TTC38: variants seen among roughly 807,000 people sequenced by gnomAD.
The protein encoded by TTC38 is tetratricopeptide repeat domain 38.
In TTC38, 64 loss-of-function variants were observed where a neutral mutation model predicts 64.2. That is an observed-to-expected ratio of 1.00 (90% CI 0.81 to 1.23). The LOEUF is 1.23. TTC38 is among the 50% of genes most tolerant of loss of function. The pLI is 0.00. For synonymous variants in TTC38, 254 were observed against 249.3 expected, an observed-to-expected ratio of 1.02 and a Z score of -0.18; for missense variants, 573 against 615.5, an observed-to-expected ratio of 0.93 and a Z score of 0.73.
Position 46,273,229 on chromosome 22 carries a change from CAGCTG to C in TTC38, c.194-668_194-664del, listed in dbSNP as rs2147786055. Among the ~76,000 whole-genome samples, 1 of 152,300 alleles carries C rather than the reference CAGCTG, an allele frequency of 6.6e-6. No homozygotes were observed. The highest frequency in any genetic ancestry group is 2.1e-4 in the South Asian group (1 of 4,830). ...AGGGGGCTTCGACCACCTGAATCAT[CAGCTG>C]GGCTGGGCTGGGCTCGACCATCGGA... is the stretch of plus-strand genomic sequence containing the variant. On this transcript the variant is annotated intron_variant, in intron 3 of 13. Coordinates refer to ENST00000381031, the MANE Select transcript of TTC38 (RefSeq NM_017931.4). This position sits in a 1 kb window ranked among gnomAD's most constrained non-coding sequence, Gnocchi z 5.1.
intron 8 of TTC38, 86 bp downstream of exon 8, chr22:46,284,118 C>T (rs1344686644): frequency 1.7e-6 from 2 of 1,146,362 alleles, no homozygotes; most frequent in Admixed American, 2.0e-5. Flanking sequence ...TATGTATTCA[C>T]ATCCGTTGGA....
Position 46,268,019 on chromosome 22 carries a change from T to C in TTC38, c.-21T>C, listed in dbSNP as rs764477282. On this transcript the variant is annotated 5_prime_UTR_variant, in exon 1 of 14. Coordinates refer to ENST00000381031, the MANE Select transcript of TTC38 (RefSeq NM_017931.4). The stretch of plus-strand genomic sequence containing the variant: ...AGGCCCGGGTGCCCAGAGCTCGCGG[T>C]GGACTCCGACCCGGCGCAACATGGC... 1.4e-5 allele frequency: 22 copies of C among 1,530,204 alleles called. No individual in the cohort carries two copies. The highest frequency in any genetic ancestry group is 1.7e-6 in the Non-Finnish European group (2 of 1,145,026). 94.8% of individuals were successfully genotyped at this position (1,530,204 alleles called of 1,614,324 possible). A position where few individuals can be genotyped will look rare whatever the true frequency, so the allele number is the denominator to read the frequency against.
In TTC38 at chr22:46,273,553, C is replaced by T. The variant is rs1028607613; in HGVS notation, c.194-345C>T. ...ATGAGCAGCATCCACTGATGCCTCC[C>T]GGGAGCCGTGTGCTGGCTGTGGCGG... is the stretch of plus-strand genomic sequence containing the variant. On this transcript the variant is annotated intron_variant, in intron 3 of 13. Transcript: ENST00000381031. This position sits in a 1 kb window ranked among gnomAD's most constrained non-coding sequence, Gnocchi z 5.1. Among the ~76,000 whole-genome samples, 4 of 152,342 alleles carry T rather than the reference C, an allele frequency of 2.6e-5. No homozygotes were observed. Among genetic ancestry groups the T allele is most frequent in the African/African-American group, 4.8e-5 (2 of 41,584 alleles).
rs1569022502 is a variant in TTC38 at position 46,282,994 on chromosome 22, T to C, written c.736-979T>C. On this transcript the variant is annotated intron_variant, in intron 7 of 13. Transcript: ENST00000381031. This position sits in a 1 kb window ranked among gnomAD's most constrained non-coding sequence, Gnocchi z 4.4. The stretch of plus-strand genomic sequence containing the variant: ...CCCAAGGTGGAGTGCAGTGGCACAA[T>C]CAGGGCTCACCGCAGCCTCGACCGC... Among the ~76,000 whole-genome samples, 2 of 152,138 alleles carry C rather than the reference T, an allele frequency of 1.3e-5. No individual in the cohort carries two copies. The highest frequency in any genetic ancestry group is 2.9e-5 in the Non-Finnish European group (2 of 68,018).
intron 12 of TTC38, 132 bp downstream of exon 12, chr22:46,289,693 C>T (rs558969576): frequency 6.4e-5 from 92 of 1,446,448 alleles, no homozygotes; most frequent in Admixed American, 3.5e-4. Flanking sequence ...ACACTCCCGC[C>T]GTGTAAGTTC....
Position 46,292,540 on chromosome 22 carries a change from C to T in TTC38, c.1317-251C>T, listed in dbSNP as rs1325549806. ...CGTACCTGGGTCTTCTCTCTTCAAA[C>T]CTGGGTTTTCCCCACTGCCACCTGT... is the stretch of plus-strand genomic sequence containing the variant. On this transcript the variant is annotated intron_variant, in intron 13 of 13. Transcript: ENST00000381031. The surrounding 1 kb of genome is among the most constrained non-coding windows in gnomAD (Gnocchi z 6.5). 6.6e-6 allele frequency among the ~76,000 whole-genome samples: 1 copy of T among 152,256 alleles called. No homozygotes were observed. Among genetic ancestry groups the T allele is most frequent in the Non-Finnish European group, 1.5e-5 (1 of 68,048 alleles).
chr22:46,287,058 C>T lies in TTC38; in HGVS notation c.835-15C>T, dbSNP rs55926596. The T allele has an allele frequency of 0.089, 140,561 of 1,586,614 alleles. 6,956 individuals are homozygous for T. The highest frequency in any genetic ancestry group is 0.1 in the Non-Finnish European group (118,003 of 1,167,430). On this transcript the variant is annotated splice_polypyrimidine_tract_variant and intron_variant, in intron 9 of 13. Coordinates refer to ENST00000381031, the MANE Select transcript of TTC38 (RefSeq NM_017931.4). ...GGCCACCCGCTGAGCCCGCCTTGGC[C>T]GCCCTGTCTTCCAGATCCTTCCCAG...
Position 46,271,521 on chromosome 22 carries a change from T to G in TTC38, c.112-814T>G, listed in dbSNP as rs9615911. ...AGCCACCACACCTGGCCTTTTTTTT[T>G]CCTTTTCTCTGTCACCCAGGCTGGG... On this transcript the variant is annotated intron_variant, in intron 2 of 13. Transcript: ENST00000381031. The surrounding 1 kb of genome is among the most constrained non-coding windows in gnomAD (Gnocchi z 5.5). 6.6e-6 allele frequency among the ~76,000 whole-genome samples: 1 copy of G among 151,536 alleles called. No homozygotes were observed. Among genetic ancestry groups the G allele is most frequent in the Non-Finnish European group, 1.5e-5 (1 of 67,874 alleles).
At chr22:46,289,677 T>G in intron 12 of TTC38, 116 bp downstream of exon 12, 2 of 1,441,212 alleles carry the variant, frequency 1.4e-6, no homozygotes, top group South Asian at 2.4e-5. Context: ...TGTGAACGTG[T>G]CTCTCACACT....
chr22:46,288,848 G>C, intron 11 of TTC38, among the ~76,000 whole-genome samples: 1 of 152,340 alleles, frequency 6.6e-6, no homozygotes, highest in South Asian at 2.1e-4. Flanking sequence ...GTGGGTATGA[G>C]ATCCGCAGGG....
In TTC38 at chr22:46,293,030, G is replaced by T; in HGVS notation, c.*146G>T. 1 of 608,642 alleles carries T rather than the reference G, an allele frequency of 1.6e-6. No individual in the cohort carries two copies. Among genetic ancestry groups the T allele is most frequent in the Admixed American group, 2.8e-5 (1 of 36,274 alleles). 37.7% of individuals were successfully genotyped at this position (608,642 alleles called of 1,614,324 possible). On this transcript the variant is annotated 3_prime_UTR_variant, in exon 14 of 14. Transcript: ENST00000381031. The surrounding 1 kb of genome is among the most constrained non-coding windows in gnomAD (Gnocchi z 6.6). Reference sequence around the variant, plus strand: ...GTGATCTTCAGTTTTACAGGAAGTGGGTCACGGGTTAATTTTAAATGTGAT... The same window carrying T: ...GTGATCTTCAGTTTTACAGGAAGTGTGTCACGGGTTAATTTTAAATGTGAT...
chr22:46,288,673 A>C (rs2077589549), intron 11 of TTC38, 85 bp downstream of exon 11: 1 of 1,353,646 alleles, frequency 7.4e-7, no homozygotes, highest in Non-Finnish European at 1.0e-6. Flanking sequence ...AGACCTGTTC[A>C]GTGCCTGCCC....
chr22:46,275,329 T>C lies in TTC38; in HGVS notation c.447T>C (p.His149=), dbSNP rs773754083. Residue 149 remains histidine (H), a synonymous_variant, in exon 5 of 14, where the codon CAT becomes CAC. Transcript: ENST00000381031. This position sits in a 1 kb window ranked among gnomAD's most constrained non-coding sequence, Gnocchi z 4.5. ...PTDMLALKFS[H]DAYFYLGYQE... ...ACATGTTGGCCCTGAAATTTTCCCA[T>C]GATGCTTATTTTTACCTGGGCTATC... 57 of 1,614,056 alleles carry C rather than the reference T, an allele frequency of 3.5e-5. No homozygotes were observed. Among genetic ancestry groups the C allele is most frequent in the Non-Finnish European group, 4.1e-5 (48 of 1,180,020 alleles).
chr22:46,279,674 A>G (rs751740573), intron 6 of TTC38, among the ~76,000 whole-genome samples: 4 of 152,368 alleles, frequency 2.6e-5, no homozygotes, highest in Non-Finnish European at 5.9e-5. Flanking sequence ...CTCTGATTAC[A>G]GAATCCGAGA....
intron 6 of TTC38, chr22:46,280,227 A>C (rs1481568085): frequency 8.5e-6 from 4 of 470,334 alleles, no homozygotes; most frequent in African/African-American, 6.0e-5. Context: ...GGCAGGCGGC[A>C]GGCACAGGCA....
chr22:46,291,848 C>T lies in TTC38; in HGVS notation c.1317-943C>T, dbSNP rs1233946736. Among the ~76,000 whole-genome samples the T allele has an allele frequency of 2.0e-5, 3 of 152,080 alleles. No individual in the cohort carries two copies. The highest frequency in any genetic ancestry group is 1.9e-4 in the East Asian group (1 of 5,186). ...GTGGGTACCTGTAATCCCGGCTAGT[C>T]GGGAGCCTGAGGCAGGAGAATCGCT... is the stretch of plus-strand genomic sequence containing the variant. On this transcript the variant is annotated intron_variant, in intron 13 of 13. Coordinates refer to ENST00000381031, the MANE Select transcript of TTC38 (RefSeq NM_017931.4). This position sits in a 1 kb window ranked among gnomAD's most constrained non-coding sequence, Gnocchi z 4.6.
rs566353913 is a variant in TTC38, at chr22:46,281,412, G to A, written c.616-187G>A. 6.6e-6 allele frequency among the ~76,000 whole-genome samples: 1 copy of A among 152,194 alleles called. No homozygotes were observed. Among genetic ancestry groups the A allele is most frequent in the Non-Finnish European group, 1.5e-5 (1 of 68,032 alleles). On this transcript the variant is annotated intron_variant, in intron 6 of 13. Coordinates refer to ENST00000381031, the MANE Select transcript of TTC38 (RefSeq NM_017931.4). This position sits in a 1 kb window ranked among gnomAD's most constrained non-coding sequence, Gnocchi z 5.2. The stretch of plus-strand genomic sequence containing the variant: ...GTGAACTGGGCAGTGAGACCCATGA[G>A]CTGGTGTGCCCGGGCAGGCAGGAAG...
rs1246141009 is a variant in TTC38 at position 46,281,576 on chromosome 22, C to T, written c.616-23C>T. 1 of 1,600,050 alleles carries T rather than the reference C, an allele frequency of 6.2e-7. No individual in the cohort carries two copies. Among genetic ancestry groups the T allele is most frequent in the African/African-American group, 1.3e-5 (1 of 74,658 alleles). On this transcript the variant is annotated intron_variant, in intron 6 of 13. Coordinates refer to ENST00000381031, the MANE Select transcript of TTC38 (RefSeq NM_017931.4). The surrounding 1 kb of genome is among the most constrained non-coding windows in gnomAD (Gnocchi z 5.2). ...CTGACTGATCTGCTTTATCTGGAATCCTCTTCCCCGCACCCTGCGTAGGCT... is the reference window on the plus strand; with the variant it reads ...CTGACTGATCTGCTTTATCTGGAATTCTCTTCCCCGCACCCTGCGTAGGCT...
At chr22:46,289,747 C>T in intron 12 of TTC38, 79 bp from the exon 13 acceptor site, 2 of 1,530,936 alleles carry the variant, frequency 1.3e-6, no homozygotes, top group Non-Finnish European at 1.8e-6. Context: ...CCCTGGAGAG[C>T]AGGCAGCCCG....
Sources: gnomAD v4.1 joint callset for allele counts (sites outside exome capture counted in the v4.1 genomes callset) on GRCh38, gnomAD v4.1.1 for gene constraint, Gnocchi (gnomAD v3.1) non-coding constraint, MANE v1.5 for transcripts, NCBI Gene and HGNC (gene_info 2026-07-23, HGNC 2026-07-21) for gene names.